PIDD1: variants seen among roughly 807,000 people sequenced by gnomAD.
PIDD1 encodes p53-induced death domain protein 1, also known as p53-induced death domain-containing protein 1.
PIDD1 carries 72 observed loss-of-function variants against 80.0 expected under a neutral mutation model. That is an observed-to-expected ratio of 0.90 (90% confidence interval 0.74 to 1.09). The LOEUF (loss-of-function observed/expected upper bound fraction) is 1.09. PIDD1 is among the 50% of genes least tolerant of loss of function. PIDD1 has a pLI of 0.00. For synonymous variants in PIDD1, 655 were observed against 543.5 expected, an observed-to-expected ratio of 1.21 and a Z score of -2.85; for missense variants, 1,329 against 1,228.3, an observed-to-expected ratio of 1.08 and a Z score of -1.23.
In PIDD1 at chr11:802,614, C is replaced by G; in HGVS notation, c.920-17G>C. 1 of 1,612,014 alleles carries G rather than the reference C, an allele frequency of 6.2e-7. No homozygotes were observed. Among genetic ancestry groups the G allele is most frequent in the East Asian group, 2.2e-5 (1 of 44,838 alleles). ...GGGCTGCCACTGTGCAGGGGACAGACATGTGCTCAGGACAGTGAGGAGACT... is the reference window on the plus strand; with the variant it reads ...GGGCTGCCACTGTGCAGGGGACAGAGATGTGCTCAGGACAGTGAGGAGACT... On this transcript the variant is annotated splice_polypyrimidine_tract_variant and intron_variant, in intron 4 of 15. Coordinates refer to ENST00000347755, the MANE Select transcript of PIDD1 (RefSeq NM_145886.4).
rs943216440 is a variant in PIDD1 at position 803,056 on chromosome 11, G to A, written c.709+118C>T. 1.1e-5 allele frequency: 11 copies of A among 961,806 alleles called. No individual in the cohort carries two copies. In the African/African-American group the frequency reaches 1.5e-4, roughly 13 times the overall value. 59.6% of individuals were successfully genotyped at this position (961,806 alleles called of 1,614,324 possible). A position where few individuals can be genotyped will look rare whatever the true frequency, so the allele number is the denominator to read the frequency against. ...AGTCTCAAAGGCCAGGGAGGTGGAG[G>A]GACAACCAAGAGGCAGCTGTGGACC... On this transcript the variant is annotated intron_variant, in intron 3 of 15. Coordinates refer to ENST00000347755, the MANE Select transcript of PIDD1 (RefSeq NM_145886.4).
chr11:802,478 G>A, intron 5 of PIDD1, 65 bp downstream of exon 5: 1 of 1,598,410 alleles, frequency 6.3e-7, no homozygotes, highest in Admixed American at 1.7e-5. Context: ...TCTGGAGAAG[G>A]TGTCGGAGGG....
Position 803,548 on chromosome 11 carries a change from C to A in PIDD1, c.335G>T (p.Gly112Val). 2 of 1,612,546 alleles carry A rather than the reference C, an allele frequency of 1.2e-6. No individual in the cohort carries two copies. The highest frequency in any genetic ancestry group is 1.7e-6 in the Non-Finnish European group (2 of 1,179,596). ...ACCAGCGGGCAGGTTGGTCAGGGCA[C>A]CCCGGAGACAGGCACCCAGTGTGTC... is the stretch of plus-strand genomic sequence containing the variant. ...RRDTLGACLR[G>V]ALTNLPAGLS... Residue 112 changes from glycine (G) to valine (V), a missense_variant, in exon 3 of 16, where the codon GGT becomes GTT. Gly to Val is a moderately radical substitution (Grantham distance 109). Coordinates refer to ENST00000347755, the MANE Select transcript of PIDD1 (RefSeq NM_145886.4).
chr11:805,666 C>G (rs938162508), upstream of PIDD1: 1 of 985,544 alleles, frequency 1.0e-6, no homozygotes, highest in Non-Finnish European at 1.2e-6. Context: ...CCAGCCCAAA[C>G]GGCCTCCTCC....
At position 801,632 on chromosome 11, in the gene PIDD1, G is replaced by A. The variant is rs1416126353; in HGVS notation, c.1303-8C>T. ...GCAGTGAGCCCAGAGCCGCTGGGAT[G>A]GGGGAGAGAGGAGGTCACAGGAGCC... is the stretch of plus-strand genomic sequence containing the variant. On this transcript the variant is annotated splice_polypyrimidine_tract_variant and splice_region_variant and intron_variant, in intron 7 of 15. Coordinates refer to ENST00000347755, the MANE Select transcript of PIDD1 (RefSeq NM_145886.4). 1.3e-5 allele frequency: 19 copies of A among 1,439,428 alleles called. No individual in the cohort carries two copies. Among genetic ancestry groups the A allele is most frequent in the Admixed American group, 2.6e-5 (1 of 38,612 alleles). The allele number at this position is 1,439,428 out of a possible 1,614,324, so 89.2% of individuals were successfully genotyped here.
intron 1 of PIDD1, 100 bp downstream of exon 1, chr11:805,079 G>C (rs1865690766): frequency 2.4e-6 from 1 of 414,690 alleles, no homozygotes; most frequent in African/African-American, 2.2e-5. Context: ...CCCGAGGCAG[G>C]CTCGGGATCC....
intron 10 of PIDD1, 33 bp downstream of exon 10, chr11:800,952 G>C (rs756142568): frequency 5.0e-6 from 8 of 1,594,086 alleles, no homozygotes; most frequent in Non-Finnish European, 8.6e-7. Context: ...ACAGACTGGG[G>C]GAGGGGGGCT....
chr11:801,641 A>G lies in PIDD1; in HGVS notation c.1303-17T>C. 1 of 1,544,936 alleles carries G rather than the reference A, an allele frequency of 6.5e-7. No individual in the cohort carries two copies. On this transcript the variant is annotated splice_polypyrimidine_tract_variant and intron_variant, in intron 7 of 15. Transcript: ENST00000347755. ...CCAGAGCCGCTGGGATGGGGGAGAG[A>G]GGAGGTCACAGGAGCCTGGGTCAGG...
chr11:805,369 C>T, upstream of PIDD1: 1 of 389,500 alleles, frequency 2.6e-6, no homozygotes, highest in Non-Finnish European at 3.5e-6. Context: ...ACCCGCCTTC[C>T]CTCCGCCTGT....
chr11:799,366 T>C lies in PIDD1; in HGVS notation c.2674A>G (p.Lys892Glu). The C allele has an allele frequency of 1.9e-6, 3 of 1,611,456 alleles. No homozygotes were observed. Among genetic ancestry groups the C allele is most frequent in the East Asian group, 2.2e-5 (1 of 44,870 alleles). ...GAGGAGCCAGGCAGAGCGGGGTCCT[T>C]GGGGGCCAAGCCCATGCGTCGGATG... ...DSIRRMGLAPKDPALPGSSAP... is the reference protein window; with the variant it reads ...DSIRRMGLAPEDPALPGSSAP... The change falls in exon 16 of 16, where the codon AAG becomes GAG. Residue 892 changes from lysine (K) to glutamate (E), a missense_variant. Coordinates refer to ENST00000347755, the MANE Select transcript of PIDD1 (RefSeq NM_145886.4).
chr11:809,204 G>A (rs1188262123), upstream of PIDD1, among the ~76,000 whole-genome samples: 4 of 152,226 alleles, frequency 2.6e-5, no homozygotes, highest in East Asian at 3.8e-4. Context: ...CATGGACACC[G>A]AGGTCAGTTC....
At position 802,062 on chromosome 11, in the gene PIDD1, G is replaced by A. The variant is rs752391877; in HGVS notation, c.1205C>T (p.Pro402Leu). The A allele has an allele frequency of 1.3e-6, 2 of 1,582,304 alleles. No individual in the cohort carries two copies. Among genetic ancestry groups the A allele is most frequent in the Non-Finnish European group, 1.7e-6 (2 of 1,164,864 alleles). Residue 402 changes from proline (P) to leucine (L), a missense_variant, in exon 7 of 16, where the codon CCA (proline) becomes CTA (leucine). Coordinates refer to ENST00000347755, the MANE Select transcript of PIDD1 (RefSeq NM_145886.4). ...QDVGLWLLFT[P>L]PQARRCREVV... The stretch of plus-strand genomic sequence containing the variant: ...TTCACGGCAGCGCCGGGCCTGCGGT[G>A]GGGTGAAGAGCAGCCACAGCCCCAC...
At chr11:801,752 AGGAGGGACGG>A in intron 7 of PIDD1, 128 bp from the exon 8 acceptor site, 1 of 858,286 alleles carries the variant, frequency 1.2e-6, no homozygotes, top group African/African-American at 2.1e-5. Context: ...AGCAGGATCC[AGGAGGGACGG>A]GGTGGGGTGG....
intron 2 of PIDD1, 135 bp from the exon 3 acceptor site, chr11:803,722 G>T: frequency 9.7e-7 from 1 of 1,030,646 alleles, no homozygotes; most frequent in Non-Finnish European, 1.4e-6. Flanking sequence ...GACAGGGACA[G>T]ACAGACAGAA....
chr11:801,024 G>C lies in PIDD1; in HGVS notation c.1727C>G (p.Thr576Ser), dbSNP rs1174296911. The C allele has an allele frequency of 6.2e-7, 1 of 1,602,710 alleles. No individual in the cohort carries two copies. Among genetic ancestry groups the C allele is most frequent in the Admixed American group, 1.7e-5 (1 of 58,528 alleles). Residue 576 changes from threonine (T) to serine (S), a missense_variant, in exon 10 of 16, where the codon ACC (threonine) becomes AGC (serine). By Grantham distance (58) the Thr-to-Ser change is moderately conservative (BLOSUM62 1). Coordinates refer to ENST00000347755, the MANE Select transcript of PIDD1 (RefSeq NM_145886.4). Reference sequence around the variant, plus strand: ...GACCTGGAAGCGTGCGTACAGGTGGGTGAGCTCCAGGACCACCTGAGCTGT... The same window carrying C: ...GACCTGGAAGCGTGCGTACAGGTGGCTGAGCTCCAGGACCACCTGAGCTGT... ...DITAQVVLEL[T>S]HLYARFQVTH...
Position 804,290 on chromosome 11 carries a change from C to T in PIDD1, c.99G>A (p.Leu33=), listed in dbSNP as rs1243058977. The T allele has an allele frequency of 1.2e-6, 2 of 1,612,940 alleles. No individual in the cohort carries two copies. Among genetic ancestry groups the T allele is most frequent in the South Asian group, 2.2e-5 (2 of 91,082 alleles). Residue 33 remains leucine (L), a synonymous_variant, in exon 2 of 16, where the codon CTG becomes CTA. Transcript: ENST00000347755. ...SDAGSRALPF[L]GGNRLSLDLY... ...GGTCCAAGCTCAGCCGGTTGCCGCC[C>T]AGGAAAGGCAGCGCCCTGGACCCTG...
Position 801,371 on chromosome 11 carries a change from G to A in PIDD1, c.1483-6C>T. ...CGGCCAGCCATGCGCACCACCTGGG[G>A]CAGACAGGCCCCCTGAGCACCTGCC... On this transcript the variant is annotated splice_polypyrimidine_tract_variant and splice_region_variant and intron_variant, in intron 8 of 15. Transcript: ENST00000347755. 2 of 1,607,144 alleles carry A rather than the reference G, an allele frequency of 1.2e-6. No individual in the cohort carries two copies. The highest frequency in any genetic ancestry group is 1.7e-6 in the Non-Finnish European group (2 of 1,176,862).
In PIDD1 at chr11:804,405, T is replaced by C. The variant is rs551592446; in HGVS notation, c.-17A>G. 7.6e-6 allele frequency: 12 copies of C among 1,571,214 alleles called. No individual in the cohort carries two copies. In the South Asian group the frequency reaches 1.0e-4, roughly 14 times the overall value. Reference sequence around the variant, plus strand: ...TGCAGCCATCGCCCACCGACGGTCCTTGGAGGCCAGACATGTCCCAGCACG... The same window carrying C: ...TGCAGCCATCGCCCACCGACGGTCCCTGGAGGCCAGACATGTCCCAGCACG... On this transcript the variant is annotated 5_prime_UTR_variant, in exon 2 of 16. Transcript: ENST00000347755.
intron 3 of PIDD1, 79 bp downstream of exon 3, chr11:803,095 C>T: frequency 8.8e-7 from 1 of 1,138,022 alleles, no homozygotes; most frequent in Non-Finnish European, 1.3e-6. Context: ...CCTGTGGGTG[C>T]AGAGGCCCCT....
Sources: allele counts gnomAD v4.1 joint callset (sites outside exome capture counted in the v4.1 genomes callset), GRCh38; gene constraint gnomAD v4.1.1; transcripts MANE v1.5; gene names NCBI Gene and HGNC (gene_info 2026-07-23, HGNC 2026-07-21).